The following DHRS4 variants were observed in gnomAD, a reference collection of about 807,000 sequenced individuals.
The protein encoded by DHRS4 is dehydrogenase/reductase 4.
DHRS4 carries 20 observed loss-of-function variants against 28.4 expected under a neutral mutation model. That is an observed-to-expected ratio of 0.71 (90% CI 0.50 to 1.02). The LOEUF (loss-of-function observed/expected upper bound fraction) is 1.02. Among genes scored for constraint, DHRS4 ranks in the 50% least tolerant of loss-of-function variants. DHRS4 has a pLI of 0.00. For synonymous variants in DHRS4, 144 were observed against 146.4 expected (o/e 0.98, Z 0.12); for missense variants, 378 against 367.2 (o/e 1.03, Z -0.24).
At chr14:23,954,068 C>T (rs2032971854) in intron 1 of DHRS4, 152 bp downstream of exon 1, 2 of 1,271,492 alleles carry the variant, frequency 1.6e-6, no homozygotes, top group Non-Finnish European at 2.1e-6. Flanking sequence ...CCGCCTGAAG[C>T]CACTCCGAAT....
rs779402106 is a variant in DHRS4 at position 23,965,905 on chromosome 14, A to T, written c.480-27A>T. 9.3e-6 allele frequency: 15 copies of T among 1,606,914 alleles called. 2 individuals carry two copies. Among genetic ancestry groups the T allele is most frequent in the East Asian group, 9.1e-5 (4 of 44,172 alleles). Reference sequence around the variant, plus strand: ...CTGAGGGCACTGGTCCACAATGGGAAGATGGTCAGCTCTCTTCTTTTTCCA... The same window carrying T: ...CTGAGGGCACTGGTCCACAATGGGATGATGGTCAGCTCTCTTCTTTTTCCA... On this transcript the variant is annotated intron_variant, in intron 4 of 7. Coordinates refer to ENST00000313250, the MANE Select transcript of DHRS4 (RefSeq NM_021004.4).
At chr14:23,955,964 G>T (rs565061470) in intron 2 of DHRS4, among the ~76,000 whole-genome samples, 2 of 152,246 alleles carry the variant, frequency 1.3e-5, no homozygotes, top group Non-Finnish European at 2.9e-5. Context: ...GAGTGGAAGG[G>T]AGAATCTACC....
At chr14:23,955,976 A>G (rs2033124577) in intron 2 of DHRS4, among the ~76,000 whole-genome samples, 1 of 152,246 alleles carries the variant, frequency 6.6e-6, no homozygotes, top group African/African-American at 2.4e-5. Flanking sequence ...GAATCTACCC[A>G]AAAATGGAAA....
intron 3 of DHRS4, 21 bp downstream of exon 3, chr14:23,960,024 G>A (rs557856625): frequency 3.3e-6 from 5 of 1,532,850 alleles, no homozygotes; most frequent in Non-Finnish European, 3.6e-6. Context: ...ATTAAAGCAG[G>A]GGGGCCGGGG....
Position 23,955,868 on chromosome 14 carries a change from G to A in DHRS4, c.306+656G>A, listed in dbSNP as rs1448521855. Among the ~76,000 whole-genome samples the A allele has an allele frequency of 2.0e-5, 3 of 152,324 alleles. No homozygotes were observed. In the East Asian group the frequency reaches 5.8e-4, roughly 29 times the overall value. On this transcript the variant is annotated intron_variant, in intron 2 of 7. Coordinates refer to ENST00000313250, the MANE Select transcript of DHRS4 (RefSeq NM_021004.4). Reference sequence around the variant, plus strand: ...ATGTCAGAATTAGTAGTGGACACCAGCCTTGCAGCTGCTGAAGCAAATATG... The same window carrying A: ...ATGTCAGAATTAGTAGTGGACACCAACCTTGCAGCTGCTGAAGCAAATATG...
At chr14:23,960,672 T>C (rs2033383323) in intron 3 of DHRS4, among the ~76,000 whole-genome samples, 1 of 151,996 alleles carries the variant, frequency 6.6e-6, no homozygotes, top group Non-Finnish European at 1.5e-5. Flanking sequence ...AAAATATTTG[T>C]CTTTGTTTAT....
chr14:23,957,806 C>G (rs1292904156), intron 2 of DHRS4, among the ~76,000 whole-genome samples: 1 of 149,392 alleles, frequency 6.7e-6, no homozygotes, highest in African/African-American at 2.5e-5. Flanking sequence ...CCCACTGGGC[C>G]TACCAAAGTG....
At chr14:23,959,098 T>A (rs1171780941) in intron 2 of DHRS4, among the ~76,000 whole-genome samples, 3 of 152,068 alleles carry the variant, frequency 2.0e-5, no homozygotes, top group Admixed American at 6.5e-5. Flanking sequence ...CAGTAAGCAC[T>A]TGGAGAAATG....
rs558244011 is a variant in DHRS4, at chr14:23,967,331, C to T, written c.722+65C>T. 3.1e-5 allele frequency: 48 copies of T among 1,552,294 alleles called. No homozygotes were observed. The African/African-American group carries it at 5.6e-4, about 18-fold the overall frequency. On this transcript the variant is annotated intron_variant, in intron 7 of 7. Transcript: ENST00000313250. The stretch of plus-strand genomic sequence containing the variant: ...GATGGGAAGGTCTGGTCCCTAGCAG[C>T]CCACAGCCCGCTGTCTCAGTCCCAC...
chr14:23,966,177 C>T, intron 5 of DHRS4, 106 bp from the exon 6 acceptor site: 4 of 1,574,272 alleles, frequency 2.5e-6, no homozygotes, highest in South Asian at 1.2e-5. Context: ...TAACTCTGCC[C>T]CTCCCTTACA....
At chr14:23,953,966 C>CACTG (rs1566465127) in intron 1 of DHRS4, 50 bp downstream of exon 1, 2 of 1,550,216 alleles carry the variant, frequency 1.3e-6, no homozygotes, top group Admixed American at 3.9e-5. Flanking sequence ...TGGAAACAGG[C>CACTG]ACTGGCCTCT....
chr14:23,955,163 C>A lies in DHRS4; in HGVS notation c.257C>A (p.Thr86Asn). 1 of 1,613,822 alleles carries A rather than the reference C, an allele frequency of 6.2e-7. No homozygotes were observed. Among genetic ancestry groups the A allele is most frequent in the Non-Finnish European group, 8.5e-7 (1 of 1,179,846 alleles). ...LQGEGLSVTG[T>N]VCHVGKAEDR... The stretch of plus-strand genomic sequence containing the variant: ...GGGGAGGGGCTGAGCGTGACGGGCA[C>A]CGTGTGCCATGTGGGGAAGGCGGAG... The change falls in exon 2 of 8, where the codon ACC becomes AAC. Residue 86 changes from threonine to asparagine, a missense_variant. Transcript: ENST00000313250.
rs2033600417 is a variant in DHRS4, at chr14:23,965,969, T to C, written c.517T>C (p.Phe173Leu). The C allele has an allele frequency of 1.2e-6, 2 of 1,610,426 alleles. 1 individual carries two copies. The highest frequency in any genetic ancestry group is 3.3e-5 in the Admixed American group (2 of 59,858). The change falls in exon 5 of 8, where the codon TTC (phenylalanine) becomes CTC (leucine). Residue 173 changes from phenylalanine to leucine, a missense_variant. Phe to Leu is a conservative substitution (Grantham distance 22). Transcript: ENST00000313250. ...SVVIVSSIAA[F>L]SPSPGFSPYN... ...GGTGATCGTGTCTTCCATAGCAGCC[T>C]TCAGTCCATCTCCTGTAAGAACCCT... is the stretch of plus-strand genomic sequence containing the variant.
At chr14:23,966,948 G>A (rs1382616306) in intron 6 of DHRS4, among the ~76,000 whole-genome samples, 1 of 152,340 alleles carries the variant, frequency 6.6e-6, no homozygotes, top group East Asian at 1.9e-4. Flanking sequence ...GAGGTCAGGA[G>A]GTCGAGACCA....
chr14:23,953,903 G>C lies in DHRS4; in HGVS notation c.115G>C (p.Ala39Pro), dbSNP rs769310727. Residue 39 changes from alanine (A) to proline (P), a missense_variant, in exon 1 of 8, where the codon GCC (alanine) becomes CCC (proline). Ala to Pro is a conservative substitution (Grantham distance 27). Transcript: ENST00000313250. The part of the protein sequence containing the change: ...PLANKVALVT[A>P]STDGIGFAIA... Reference sequence around the variant, plus strand: ...CGCAAATAAGGTGGCCCTGGTAACGGCCTCCACCGACGGGTGAGTGCTCCG... The same window carrying C: ...CGCAAATAAGGTGGCCCTGGTAACGCCCTCCACCGACGGGTGAGTGCTCCG... The C allele has an allele frequency of 6.3e-6, 10 of 1,596,556 alleles. No individual in the cohort carries two copies. Among genetic ancestry groups the C allele is most frequent in the Non-Finnish European group, 1.7e-6 (2 of 1,172,146 alleles).
In DHRS4 at chr14:23,967,124, G is replaced by A. The variant is rs566301470; in HGVS notation, c.667-87G>A. On this transcript the variant is annotated intron_variant, in intron 6 of 7. Transcript: ENST00000313250. ...AGCCAAGATAGCGCCACTACAGTCC[G>A]GCCTGGGCAAAAGAGCAAGACTCCG... is the stretch of plus-strand genomic sequence containing the variant. 4,768 of 1,517,798 alleles carry A rather than the reference G, an allele frequency of 3.1e-3. 41 individuals carry two copies. Among genetic ancestry groups the A allele is most frequent in the Middle Eastern group, 0.027 (155 of 5,766 alleles). The allele number at this position is 1,517,798 out of a possible 1,614,324, so 94.0% of individuals were successfully genotyped here. A position where few individuals can be genotyped will look rare whatever the true frequency, so the allele number is the denominator to read the frequency against.
chr14:23,953,941 G>C (rs1194993089), intron 1 of DHRS4, 25 bp downstream of exon 1: 4 of 1,562,098 alleles, frequency 2.6e-6, no homozygotes, highest in Admixed American at 3.9e-5. Context: ...CGGAGTTTCT[G>C]AGGCCCTGGC....
At chr14:23,954,844 A>G (rs1373915525) in intron 1 of DHRS4, among the ~76,000 whole-genome samples, 191 bp from the exon 2 acceptor site, 1 of 152,264 alleles carries the variant, frequency 6.6e-6, no homozygotes, top group East Asian at 1.9e-4. Flanking sequence ...TCCAGGTCAT[A>G]ATAAAAACAA....
intron 7 of DHRS4, chr14:23,967,585 C>T: frequency 1.8e-6 from 1 of 553,616 alleles, no homozygotes; most frequent in East Asian, 3.4e-5. Flanking sequence ...CAAAACCATG[C>T]TTTGTTAGTC....
Sources: gnomAD v4.1 joint callset for allele counts (sites outside exome capture counted in the v4.1 genomes callset) on GRCh38, gnomAD v4.1.1 for gene constraint, MANE v1.5 for transcripts, NCBI Gene and HGNC (gene_info 2026-07-23, HGNC 2026-07-21) for gene names.